The following AASS variants were observed in gnomAD, a reference collection of about 807,000 sequenced individuals.
The protein encoded by AASS is aminoadipate-semialdehyde synthase, also known as alpha-aminoadipic semialdehyde synthase, mitochondrial.
A neutral mutation model predicts 105.4 loss-of-function variants in AASS; 86 were observed. The observed-to-expected ratio is 0.82, with a 90% CI of 0.69 to 0.98. AASS has a LOEUF of 0.98. AASS is among the 50% of genes least tolerant of loss of function. The pLI is 0.00. For missense variants in AASS, 1,048 were observed against 1,143.2 expected, an observed-to-expected ratio of 0.92 and a Z score of 1.20; for synonymous variants, 381 against 394.8, an observed-to-expected ratio of 0.96 and a Z score of 0.41.
At chr7:122,091,647 C>T (rs1793904024) in intron 18 of AASS, 56 bp downstream of exon 18, 2 of 1,612,156 alleles carry the variant, frequency 1.2e-6, no homozygotes, top group South Asian at 2.2e-5. Context: ...AGTATTTAGA[C>T]TGTCTCAGGC....
intron 1 of AASS, among the ~76,000 whole-genome samples, chr7:122,137,205 CTTA>C (rs895523138): frequency 6.6e-6 from 1 of 152,152 alleles, no homozygotes; most frequent in South Asian, 2.1e-4. Flanking sequence ...TTGCAAAAAT[CTTA>C]TTAAGTAGAT....
intron 4 of AASS, among the ~76,000 whole-genome samples, chr7:122,126,173 T>G (rs1410292292): frequency 1.3e-5 from 2 of 152,226 alleles, no homozygotes; most frequent in African/African-American, 4.8e-5. Context: ...GCTTTTTCCT[T>G]TGAATTTTTG....
chr7:122,129,595 T>C, intron 2 of AASS, 58 bp from the exon 3 acceptor site: 3 of 1,522,720 alleles, frequency 2.0e-6, no homozygotes, highest in Non-Finnish European at 9.1e-7. Context: ...CCATGTTTTC[T>C]TGAGCAAAAT....
chr7:122,137,745 A>G (rs1473804582), intron 1 of AASS, among the ~76,000 whole-genome samples: 1 of 152,182 alleles, frequency 6.6e-6, no homozygotes, highest in African/African-American at 2.4e-5. Context: ...ATGCCAACGG[A>G]GGCTGCTTTA....
At chr7:122,134,146 T>C (rs1035436252) in intron 1 of AASS, among the ~76,000 whole-genome samples, 1 of 152,226 alleles carries the variant, frequency 6.6e-6, no homozygotes, top group Non-Finnish European at 1.5e-5. Context: ...GAAATCCTTA[T>C]AATGGTATAC....
chr7:122,082,894 A>C, intron 19 of AASS: 1 of 1,270,842 alleles, frequency 7.9e-7, no homozygotes, highest in Non-Finnish European at 1.0e-6. Context: ...TCCAATCCCT[A>C]AAAGAGAACA....
intron 6 of AASS, among the ~76,000 whole-genome samples, 159 bp from the exon 7 acceptor site, chr7:122,117,116 C>T (rs937192301): frequency 1.3e-5 from 2 of 152,196 alleles, no homozygotes; most frequent in African/African-American, 2.4e-5. Flanking sequence ...TTGCTTACAA[C>T]CAGCCTGCTA....
chr7:122,142,961 G>T (rs192721449), intron 1 of AASS, among the ~76,000 whole-genome samples: 1 of 152,156 alleles, frequency 6.6e-6, no homozygotes, highest in Non-Finnish European at 1.5e-5. Context: ...ATTATCTGAA[G>T]AGTGGGAAAA....
At chr7:122,131,026 AT>A in intron 2 of AASS, among the ~76,000 whole-genome samples, 1 of 149,192 alleles carries the variant, frequency 6.7e-6, no homozygotes, top group South Asian at 2.1e-4. Context: ...ACAGGTGTTT[AT>A]TTTTGCAAAA....
chr7:122,090,243 G>C (rs1043644926), intron 18 of AASS, among the ~76,000 whole-genome samples: 1 of 152,122 alleles, frequency 6.6e-6, no homozygotes, highest in Non-Finnish European at 1.5e-5. Context: ...TCAAGCTAAA[G>C]TGTCCTGCTT....
At position 122,101,381 on chromosome 7, in the gene AASS, G is replaced by A. The variant is rs199721593; in HGVS notation, c.1396C>T (p.Arg466Trp). The change falls in exon 13 of 24, where the codon CGG becomes TGG. Residue 466 changes from arginine to tryptophan, a missense_variant. Transcript: ENST00000417368. ...TTGAACAATACTTACCTGCTCTCCC[G>A]GAGTGTCTGGATATATTTATATTTA... The part of the protein sequence containing the change: ...PDKYKYIQTL[R>W]ESRERAQSLS... 4.4e-6 allele frequency: 7 copies of A among 1,607,236 alleles called. No homozygotes were observed. Among genetic ancestry groups the A allele is most frequent in the South Asian group, 2.2e-5 (2 of 90,938 alleles).
At chr7:122,081,064 C>T (rs1380628370) in intron 20 of AASS, among the ~76,000 whole-genome samples, 3 of 152,200 alleles carry the variant, frequency 2.0e-5, no homozygotes, top group South Asian at 4.1e-4. Flanking sequence ...AATCAAATCA[C>T]TCATGGTTAT....
intron 18 of AASS, 71 bp from the exon 19 acceptor site, chr7:122,086,250 C>G: frequency 6.9e-7 from 1 of 1,449,106 alleles, no homozygotes; most frequent in Non-Finnish European, 9.6e-7. Context: ...CTGCATTATA[C>G]GAACAAAGAA....
chr7:122,121,011 T>C (rs1476558425), intron 4 of AASS, among the ~76,000 whole-genome samples: 1 of 152,194 alleles, frequency 6.6e-6, no homozygotes, highest in African/African-American at 2.4e-5. Flanking sequence ...ACTATTGATA[T>C]AGCTAAATTT....
At chr7:122,124,732 A>G (rs945292252) in intron 4 of AASS, among the ~76,000 whole-genome samples, 1 of 152,140 alleles carries the variant, frequency 6.6e-6, no homozygotes, top group South Asian at 2.1e-4. Flanking sequence ...CTTAATTCCA[A>G]TGTATTAATT....
At chr7:122,102,066 T>C (rs1794457787) in intron 11 of AASS, among the ~76,000 whole-genome samples, 1 of 151,910 alleles carries the variant, frequency 6.6e-6, no homozygotes. Context: ...GTTCAAGCTG[T>C]TCTATTAGGA....
intron 15 of AASS, among the ~76,000 whole-genome samples, chr7:122,096,558 G>C (rs985964430): frequency 2.0e-5 from 3 of 151,950 alleles, no homozygotes; most frequent in African/African-American, 7.3e-5. Context: ...AGTCTGGGAG[G>C]TGAAGGTTGC....
chr7:122,111,526 A>G (rs1219950042), intron 11 of AASS, among the ~76,000 whole-genome samples: 1 of 152,200 alleles, frequency 6.6e-6, no homozygotes, highest in African/African-American at 2.4e-5. Context: ...TGGTAAATAT[A>G]TTATTGTATT....
chr7:122,088,154 G>T (rs1255909516), intron 18 of AASS, among the ~76,000 whole-genome samples: 1 of 152,066 alleles, frequency 6.6e-6, no homozygotes, highest in East Asian at 1.9e-4. Flanking sequence ...CTCTGACAAT[G>T]CTCAGGCTCA....
Sources: allele counts gnomAD v4.1 joint callset (sites outside exome capture counted in the v4.1 genomes callset), GRCh38; gene constraint gnomAD v4.1.1; transcripts MANE v1.5; gene names NCBI Gene and HGNC (gene_info 2026-07-23, HGNC 2026-07-21).